The following BAZ2B variants were observed in gnomAD, a reference collection of about 807,000 sequenced individuals.
BAZ2B encodes bromodomain adjacent to zinc finger domain protein 2B.
In BAZ2B, 91 loss-of-function variants were observed where a neutral mutation model predicts 246.0. That is an observed-to-expected ratio of 0.37 (90% CI 0.31 to 0.44). The LOEUF (loss-of-function observed/expected upper bound fraction) is 0.44. BAZ2B is among the 20% of genes least tolerant of loss of function. The probability of loss-of-function intolerance (pLI) is 1.00; values close to 1 mark genes in which losing one functional copy is unlikely to be tolerated. For synonymous variants in BAZ2B, 855 were observed against 860.0 expected (o/e 0.99, Z 0.10); for missense variants, 2,332 against 2,533.7 (o/e 0.92, Z 1.71).
intron 4 of BAZ2B, 79 bp downstream of exon 4, chr2:159,453,534 T>C (rs769263347): frequency 4.2e-6 from 6 of 1,424,080 alleles, no homozygotes; most frequent in Non-Finnish European, 5.6e-6. Context: ...CTATTCCTTT[T>C]GTTCAATAGA....
chr2:159,377,106 G>T (rs1265231495), intron 25 of BAZ2B, among the ~76,000 whole-genome samples: 1 of 152,180 alleles, frequency 6.6e-6, no homozygotes, highest in Non-Finnish European at 1.5e-5. Flanking sequence ...AGATAAAGGG[G>T]CTATGATCTA....
rs79630831 is a variant in BAZ2B at position 159,454,792 on chromosome 2, T to C, written c.146-991A>G. ...ATGTGTTCACAAGTGGTTACCAATA[T>C]AAAAATCATTTTTAGCTTTCTCTGA... is the stretch of plus-strand genomic sequence containing the variant. On this transcript the variant is annotated intron_variant, in intron 3 of 36. Transcript: ENST00000392783. 1.9e-4 allele frequency among the ~76,000 whole-genome samples: 29 copies of C among 152,326 alleles called. No individual in the cohort carries two copies. The East Asian group carries it at 5.6e-3, about 29-fold the overall frequency.
At chr2:159,594,425 G>C (rs1690153677) in intron 1 of BAZ2B, among the ~76,000 whole-genome samples, 1 of 152,046 alleles carries the variant, frequency 6.6e-6, no homozygotes, top group African/African-American at 2.4e-5. Flanking sequence ...AAAGTAATTA[G>C]AAAAACTAAG....
chr2:159,318,260 T>C (rs929714241), downstream of BAZ2B, among the ~76,000 whole-genome samples: 3 of 152,248 alleles, frequency 2.0e-5, no homozygotes, highest in African/African-American at 7.2e-5. Context: ...CCTTCTTCCC[T>C]GCTCTACAAA....
At chr2:159,555,908 T>G (rs1281583275) in intron 1 of BAZ2B, 43 bp from the exon 2 acceptor site, 1 of 152,226 alleles carries the variant, frequency 6.6e-6, no homozygotes, top group Non-Finnish European at 1.5e-5. Flanking sequence ...TGAAGCATAC[T>G]TAAGAAATTT....
At chr2:159,368,062 T>C (rs780048236) in intron 27 of BAZ2B, among the ~76,000 whole-genome samples, 1 of 152,218 alleles carries the variant, frequency 6.6e-6, no homozygotes, top group African/African-American at 2.4e-5. Context: ...ATGTTCTCTT[T>C]GTCTTCATAC....
chr2:159,407,647 A>G (rs1268113639), intron 14 of BAZ2B, among the ~76,000 whole-genome samples: 1 of 152,200 alleles, frequency 6.6e-6, no homozygotes, highest in African/African-American at 2.4e-5. Flanking sequence ...TTTAAAAAGG[A>G]GAAGAGATTA....
the BAZ2B span, among the ~76,000 whole-genome samples, chr2:159,660,546 C>T: frequency 1.3e-5 from 2 of 152,104 alleles, no homozygotes; most frequent in Non-Finnish European, 2.9e-5. Context: ...CTGTGAAAAG[C>T]AACTACACAT....
intron 1 of BAZ2B, among the ~76,000 whole-genome samples, chr2:159,586,173 T>C (rs1017853240): frequency 6.6e-6 from 1 of 152,212 alleles, no homozygotes; most frequent in African/African-American, 2.4e-5. Context: ...TTACTATTAA[T>C]TTATTGATAA....
the BAZ2B span, among the ~76,000 whole-genome samples, chr2:159,634,222 T>C: frequency 2.0e-5 from 3 of 152,234 alleles, no homozygotes; most frequent in African/African-American, 7.2e-5. Context: ...AATGGTGATC[T>C]TTCTTGTTCT....
intron 23 of BAZ2B, among the ~76,000 whole-genome samples, chr2:159,384,366 A>C (rs1422736432): frequency 6.6e-6 from 1 of 152,088 alleles, no homozygotes; most frequent in Non-Finnish European, 1.5e-5. Flanking sequence ...CTGTCAGTGA[A>C]TAGCAGAAAC....
chr2:159,643,027 AT>A, the BAZ2B span, among the ~76,000 whole-genome samples: 1 of 152,206 alleles, frequency 6.6e-6, no homozygotes, highest in Non-Finnish European at 1.5e-5. Context: ...AATATCTAGA[AT>A]CTTTTGAATG....
chr2:159,374,698 A>T lies in BAZ2B; in HGVS notation c.4061T>A (p.Leu1354Gln). 1 of 1,612,170 alleles carries T rather than the reference A, an allele frequency of 6.2e-7. No individual in the cohort carries two copies. The highest frequency in any genetic ancestry group is 8.5e-7 in the Non-Finnish European group (1 of 1,178,580). ...AATCAGAAAAGTGCTTACTTTACTC[A>T]GTTTTTCAATCTGTTTTTCCAGCTC... ...VEELEKQIEK[L>Q]SKQQSQYRRK... is the part of the protein sequence containing the mutation. Residue 1354 changes from leucine (L) to glutamine (Q), a missense_variant, in exon 26 of 37, where the codon CTG (leucine) becomes CAG (glutamine). By Grantham distance (113) the Leu-to-Gln change is moderately radical (BLOSUM62 -2). Around this residue, in one of 9 missense-constraint regions of BAZ2B, gnomAD observed 676 missense variants for 668.6 expected, o/e 1.01. Coordinates refer to ENST00000392783, the MANE Select transcript of BAZ2B (RefSeq NM_013450.4).
the BAZ2B span, among the ~76,000 whole-genome samples, chr2:159,646,888 TTAAC>T: frequency 1.3e-5 from 2 of 152,230 alleles, no homozygotes; most frequent in Admixed American, 1.3e-4. Context: ...AGAATGGCCT[TTAAC>T]ATACATATTT....
chr2:159,628,410 C>T, the BAZ2B span, among the ~76,000 whole-genome samples: 1 of 152,216 alleles, frequency 6.6e-6, no homozygotes, highest in Admixed American at 6.5e-5. Flanking sequence ...CGCTACCTGA[C>T]TTCAAACTAT....
At chr2:159,508,161 A>G (rs2082531691) in intron 2 of BAZ2B, among the ~76,000 whole-genome samples, 1 of 152,106 alleles carries the variant, frequency 6.6e-6, no homozygotes, top group Admixed American at 6.5e-5. Flanking sequence ...GTGAGCCACA[A>G]CGCCTGGCCT....
intron 27 of BAZ2B, among the ~76,000 whole-genome samples, chr2:159,372,386 C>G (rs989001093): frequency 1.3e-5 from 2 of 152,172 alleles, no homozygotes; most frequent in African/African-American, 2.4e-5. Context: ...TTGTCCCCAT[C>G]AGAATTTGGC....
chr2:159,682,917 C>A, the BAZ2B span, among the ~76,000 whole-genome samples: 5 of 105,520 alleles, frequency 4.7e-5, no homozygotes, highest in Non-Finnish European at 8.2e-5. Context: ...CCTCCCCCCC[C>A]CCACACACAC....
chr2:159,342,388 C>A (rs988137617), intron 31 of BAZ2B, among the ~76,000 whole-genome samples: 11 of 152,178 alleles, frequency 7.2e-5, no homozygotes, highest in Non-Finnish European at 4.4e-5. Flanking sequence ...TGGGCTCAAG[C>A]CATTCTCCCA....
Sources: allele counts gnomAD v4.1 joint callset (sites outside exome capture counted in the v4.1 genomes callset), GRCh38; gene constraint gnomAD v4.1.1; regional missense constraint gnomAD v4.1.1; transcripts MANE v1.5; gene names NCBI Gene and HGNC (gene_info 2026-07-23, HGNC 2026-07-21).